The following TIAM1 variants were observed in gnomAD, a reference collection of about 807,000 sequenced individuals.
TIAM1 encodes TIAM Rac1 associated GEF 1.
A neutral mutation model predicts 163.5 loss-of-function variants in TIAM1; 65 were observed. The observed-to-expected ratio is 0.40, with a 90% CI of 0.33 to 0.49. The LOEUF (loss-of-function observed/expected upper bound fraction) is 0.49. Among genes scored for constraint, TIAM1 ranks in the 20% least tolerant of loss-of-function variants. The pLI is 0.77. For missense variants in TIAM1, 1,789 were observed against 2,044.7 expected, an observed-to-expected ratio of 0.87 and a Z score of 2.41; for synonymous variants, 833 against 810.1, an observed-to-expected ratio of 1.03 and a Z score of -0.48.
At chr21:31,394,541 G>T (rs533466070) in intron 2 of TIAM1, among the ~76,000 whole-genome samples, 3 of 152,116 alleles carry the variant, frequency 2.0e-5, no homozygotes, top group Non-Finnish European at 2.9e-5. Flanking sequence ...TTTTCTGTTT[G>T]TAAGAAATGC....
intron 2 of TIAM1, among the ~76,000 whole-genome samples, chr21:31,329,829 C>T (rs900309825): frequency 2.0e-5 from 3 of 152,192 alleles, no homozygotes; most frequent in African/African-American, 7.2e-5. Flanking sequence ...GAGTAGAATG[C>T]AGTGCTGTGT....
intron 20 of TIAM1, among the ~76,000 whole-genome samples, chr21:31,144,830 GAAAAAAAAAAA>G (rs764835303): frequency 8.1e-5 from 6 of 74,484 alleles, no homozygotes; most frequent in Admixed American, 1.7e-4. Flanking sequence ...CTCCATCTCA[GAAAAAAAAAAA>G]AAAAAAAAAA....
At chr21:31,149,473 A>T (rs1053739400) in intron 19 of TIAM1, among the ~76,000 whole-genome samples, 5 of 152,118 alleles carry the variant, frequency 3.3e-5, no homozygotes, top group African/African-American at 1.2e-4. Context: ...TAAAAGAAGC[A>T]ATGTACCTGC....
intron 1 of TIAM1, among the ~76,000 whole-genome samples, chr21:31,506,271 C>CACACACACACACACAT (rs2047025415): frequency 6.6e-6 from 1 of 151,002 alleles, no homozygotes; most frequent in Non-Finnish European, 1.5e-5. Flanking sequence ...TACACACACA[C>CACACACACACACACAT]ACACACACAC....
At position 31,266,457 on chromosome 21, in the gene TIAM1, A is replaced by C. The variant is rs1050450173; in HGVS notation, c.516T>G (p.Ser172=). ...GGCTGTCCTCCCGCCAGATGTCTGC[A>C]GATTTGGAGCGTTTCTTCTTAAAGC... ...TASFKKKRSK[S]ADIWREDSLE... is the part of the protein sequence containing the mutation. The change falls in exon 4 of 28, where the codon TCT becomes TCG. Residue 172 remains serine, a synonymous_variant. Coordinates refer to ENST00000541036, the MANE Select transcript of TIAM1 (RefSeq NM_001353694.2). The C allele has an allele frequency of 1.2e-6, 2 of 1,614,090 alleles. No homozygotes were observed. The highest frequency in any genetic ancestry group is 2.7e-5 in the African/African-American group (2 of 74,934).
chr21:31,144,697 C>T (rs1037374480), intron 20 of TIAM1, among the ~76,000 whole-genome samples: 6 of 151,676 alleles, frequency 4.0e-5, no homozygotes, highest in Non-Finnish European at 5.9e-5. Flanking sequence ...GGCATGGTGG[C>T]GTGCACCTGT....
At chr21:31,522,988 T>C (rs1415230312) in intron 1 of TIAM1, among the ~76,000 whole-genome samples, 1 of 152,242 alleles carries the variant, frequency 6.6e-6, no homozygotes, top group African/African-American at 2.4e-5. Context: ...AATAAATTTT[T>C]AGCACATTCT....
intron 2 of TIAM1, among the ~76,000 whole-genome samples, chr21:31,392,434 G>A (rs935896649): frequency 6.6e-6 from 1 of 151,994 alleles, no homozygotes; most frequent in African/African-American, 2.4e-5. Flanking sequence ...GCCGGGCATG[G>A]TGGCAGGCGC....
Position 31,181,756 on chromosome 21 carries a change from CTTTTTTTTTTTTTTTTTTTTTTTTTTTTT to C in TIAM1, c.2887+636_2887+664del, listed in dbSNP as rs781153297. Among the ~76,000 whole-genome samples the C allele has an allele frequency of 6.4e-3, 264 of 41,338 alleles. 7 individuals carry two copies. The highest frequency in any genetic ancestry group is 0.025 in the South Asian group (30 of 1,188). The allele number at this position is 41,338 out of a possible 152,430, so 27.1% of individuals were successfully genotyped here. ...CCCAGCACTTCTTCTTCTTCTTCTT[CTTTTTTTTTTTTTTTTTTTTTTTTTTTTT>C]TTTTTTTTTTTTTTTTTTTTACGAG... On this transcript the variant is annotated intron_variant, in intron 15 of 27. Transcript: ENST00000541036.
At chr21:31,242,787 G>A (rs2071251541) in intron 6 of TIAM1, among the ~76,000 whole-genome samples, 1 of 144,464 alleles carries the variant, frequency 6.9e-6, no homozygotes, top group African/African-American at 2.5e-5. Context: ...AATAGAACCT[G>A]TCTCAGAAAA....
intron 2 of TIAM1, among the ~76,000 whole-genome samples, chr21:31,280,972 CT>C (rs1331167644): frequency 1.3e-5 from 2 of 149,548 alleles, no homozygotes; most frequent in Non-Finnish European, 3.0e-5. Context: ...AAAAAATTAG[CT>C]GGGTGTGGTG....
chr21:31,496,315 C>T (rs1364343325), intron 1 of TIAM1, among the ~76,000 whole-genome samples: 3 of 151,662 alleles, frequency 2.0e-5, no homozygotes, highest in Non-Finnish European at 4.4e-5. Flanking sequence ...CATGGTGAAA[C>T]CCCATCTCTA....
chr21:31,513,466 T>C (rs1171005118), intron 1 of TIAM1, among the ~76,000 whole-genome samples: 1 of 152,180 alleles, frequency 6.6e-6, no homozygotes, highest in Non-Finnish European at 1.5e-5. Context: ...TGTTGTGAAA[T>C]GCAAACTCTT....
At chr21:31,369,942 G>A (rs1301924406) in intron 2 of TIAM1, among the ~76,000 whole-genome samples, 6 of 152,068 alleles carry the variant, frequency 3.9e-5, no homozygotes, top group African/African-American at 7.2e-5. Flanking sequence ...CCAAGATCGC[G>A]CCACTGCACT....
chr21:31,166,916 C>T (rs1185753704), intron 15 of TIAM1, among the ~76,000 whole-genome samples: 1 of 152,072 alleles, frequency 6.6e-6, no homozygotes, highest in Admixed American at 6.5e-5. Flanking sequence ...CCAGGAGGCA[C>T]GACTGACAGG....
At chr21:31,470,734 G>A (rs985446363) in intron 1 of TIAM1, among the ~76,000 whole-genome samples, 21 of 152,172 alleles carry the variant, frequency 1.4e-4, no homozygotes, top group Admixed American at 1.2e-3. Flanking sequence ...ATCCTCAAAA[G>A]GTGACCAAAA....
In TIAM1 at chr21:31,152,856, T is replaced by C. The variant is rs2083445242; in HGVS notation, c.3241-95A>G. On this transcript the variant is annotated intron_variant, in intron 18 of 27. Transcript: ENST00000541036. ...TACAAGGTTTTTCTATCAATTCTTA[T>C]CAATTAAGAGAATAATCCCACTACC... 7 of 1,501,672 alleles carry C rather than the reference T, an allele frequency of 4.7e-6. No individual in the cohort carries two copies. The South Asian group carries it at 9.5e-5, about 20-fold the overall frequency. The allele number at this position is 1,501,672 out of a possible 1,614,324, so 93.0% of individuals were successfully genotyped here.
At chr21:31,546,963 G>A (rs997004242) in intron 1 of TIAM1, among the ~76,000 whole-genome samples, 1 of 152,030 alleles carries the variant, frequency 6.6e-6, no homozygotes, top group Admixed American at 6.6e-5. Flanking sequence ...AATAGTGGGG[G>A]GGGGCTGGCT....
rs1277336382 is a variant in TIAM1 at position 31,452,584 on chromosome 21, A to G, written c.-369+11399T>C. On this transcript the variant is annotated intron_variant, in intron 2 of 28. Coordinates refer to the TIAM1 transcript ENST00000286827. ...TCACACAAACTCTGTACTTCCTGGA[A>G]TCGATATAGCACTAAGTTATGTGCA... 7 of 589,866 alleles carry G rather than the reference A, an allele frequency of 1.2e-5. 1 individual carries two copies. Among genetic ancestry groups the G allele is most frequent in the Non-Finnish European group, 2.2e-5 (7 of 319,986 alleles). 36.5% of individuals were successfully genotyped at this position (589,866 alleles called of 1,614,324 possible).
Sources: gnomAD v4.1 joint callset for allele counts (sites outside exome capture counted in the v4.1 genomes callset) on GRCh38, gnomAD v4.1.1 for gene constraint, MANE v1.5 for transcripts, NCBI Gene and HGNC (gene_info 2026-07-23, HGNC 2026-07-21) for gene names.